The following METTL15 variants were observed in gnomAD, a reference collection of about 807,000 sequenced individuals.
METTL15 encodes methyltransferase 15, mitochondrial 12S rRNA N4-cytidine.
METTL15 carries 34 observed loss-of-function variants against 38.3 expected under a neutral mutation model. The ratio of observed to expected loss-of-function variants is 0.89; its 90% CI spans 0.68 to 1.18. The LOEUF (loss-of-function observed/expected upper bound fraction) is 1.18, where lower values mean the gene tolerates loss of function less well. Ranked by LOEUF, METTL15 falls within the 50% of genes most tolerant of loss-of-function variation. The pLI, the probability that METTL15 is intolerant of heterozygous loss-of-function variation, is 0.00. For missense variants in METTL15, 438 were observed against 498.4 expected (o/e 0.88, Z 1.15); for synonymous variants, 162 against 170.9 (o/e 0.95, Z 0.41).
At chr11:28,347,011 T>G (rs1850002299) in intron 3 of METTL15, among the ~76,000 whole-genome samples, 1 of 152,238 alleles carries the variant, frequency 6.6e-6, no homozygotes, top group African/African-American at 2.4e-5. Flanking sequence ...TCTATGACTC[T>G]TGTAACTAAG....
At chr11:28,183,026 A>G (rs1309533152) in intron 3 of METTL15, among the ~76,000 whole-genome samples, 1 of 152,044 alleles carries the variant, frequency 6.6e-6, no homozygotes, top group Non-Finnish European at 1.5e-5. Context: ...GCAATTGTGA[A>G]TGGGAGTTCA....
Position 28,251,449 on chromosome 11 carries a change from A to T in METTL15, c.408-38757A>T, listed in dbSNP as rs1003776372. 2.6e-5 allele frequency among the ~76,000 whole-genome samples: 4 copies of T among 152,080 alleles called. No individual in the cohort carries two copies. In the East Asian group the frequency reaches 5.8e-4, roughly 22 times the overall value. On this transcript the variant is annotated intron_variant, in intron 4 of 6. Transcript: ENST00000407364. Reference sequence around the variant, plus strand: ...CCAGAAATTGTTACAGGCTAATTTTATATTTGGCTAGGTCATCAATTTTCT... The same window carrying T: ...CCAGAAATTGTTACAGGCTAATTTTTTATTTGGCTAGGTCATCAATTTTCT...
intron 3 of METTL15, among the ~76,000 whole-genome samples, chr11:28,160,183 A>G (rs1850407950): frequency 1.3e-5 from 2 of 151,750 alleles, no homozygotes; most frequent in African/African-American, 4.8e-5. Context: ...CAGTTTTGGC[A>G]CTCGAACTGA....
intron 3 of METTL15, among the ~76,000 whole-genome samples, chr11:28,118,581 G>T (rs1382276956): frequency 6.6e-6 from 1 of 151,998 alleles, no homozygotes; most frequent in Non-Finnish European, 1.5e-5. Flanking sequence ...AAAAAGTTTG[G>T]TTATTTTCTA....
At chr11:28,162,582 A>G (rs1415346390) in intron 3 of METTL15, among the ~76,000 whole-genome samples, 1 of 152,196 alleles carries the variant, frequency 6.6e-6, no homozygotes, top group African/African-American at 2.4e-5. Context: ...TTATAAAATC[A>G]TCATAAGTTG....
At position 28,137,180 on chromosome 11, in the gene METTL15, G is replaced by A. The variant is rs76595407; in HGVS notation, c.270+23576G>A. Among the ~76,000 whole-genome samples the A allele has an allele frequency of 2.1e-4, 32 of 152,206 alleles. No homozygotes were observed. In the East Asian group the frequency reaches 4.6e-3, roughly 22 times the overall value. On this transcript the variant is annotated intron_variant, in intron 3 of 6. Coordinates refer to ENST00000407364, the MANE Select transcript of METTL15 (RefSeq NM_001113528.2). ...CCTTGTTGTACTTCTATTTCAATGC[G>A]CAATTTATGGAAAGACCGTATAATA...
At chr11:28,330,085 C>T (rs1849764910) in intron 6 of METTL15, among the ~76,000 whole-genome samples, 2 of 152,068 alleles carry the variant, frequency 1.3e-5, no homozygotes, top group Non-Finnish European at 2.9e-5. Flanking sequence ...TTTGAGTTAA[C>T]GTTTTTCACC....
At chr11:28,380,838 GTTT>G (rs34912131) in intron 5 of METTL15, among the ~76,000 whole-genome samples, 1 of 148,616 alleles carries the variant, frequency 6.7e-6, no homozygotes, top group Non-Finnish European at 1.5e-5. Flanking sequence ...TTAGATGAGA[GTTT>G]TTTTTTTTTC....
intron 5 of METTL15, among the ~76,000 whole-genome samples, chr11:28,416,417 A>G (rs947454209): frequency 2.0e-5 from 3 of 152,190 alleles, no homozygotes; most frequent in Non-Finnish European, 4.4e-5. Context: ...ATATGGGTCC[A>G]TGTTTCCTGG....
chr11:28,136,664 T>A (rs188349453), intron 3 of METTL15, among the ~76,000 whole-genome samples: 1 of 152,264 alleles, frequency 6.6e-6, no homozygotes, highest in East Asian at 1.9e-4. Context: ...TATGGAAGAT[T>A]AAACATCACT....
intron 6 of METTL15, among the ~76,000 whole-genome samples, chr11:28,496,328 C>T (rs1851535386): frequency 6.6e-6 from 1 of 152,162 alleles, no homozygotes; most frequent in Non-Finnish European, 1.5e-5. Context: ...ACCATGAGAA[C>T]AGTATGTGGG....
At chr11:28,266,995 A>G (rs1855447811) in intron 4 of METTL15, among the ~76,000 whole-genome samples, 1 of 151,904 alleles carries the variant, frequency 6.6e-6, no homozygotes, top group Non-Finnish European at 1.5e-5. Flanking sequence ...CCCCATCTCT[A>G]CTAAAAATAC....
intron 3 of METTL15, among the ~76,000 whole-genome samples, chr11:28,168,611 T>TG (rs1850741841): frequency 7.0e-6 from 1 of 142,488 alleles, no homozygotes; most frequent in Non-Finnish European, 1.5e-5. Flanking sequence ...ATGCTATCCC[T>TG]CCCCCTCCCC....
rs547952492 is a variant in METTL15, at chr11:28,443,716, A to C, written c.*424+19352A>C. ...TCTTTGACTCCACTCTTTCTTTCAT[A>C]ACATGTGACAAACCCATTAGGGAAT... On this transcript the variant is annotated intron_variant and NMD_transcript_variant, in intron 6 of 7. Coordinates refer to the METTL15 transcript ENST00000532947. 4.6e-5 allele frequency among the ~76,000 whole-genome samples: 7 copies of C among 152,298 alleles called. No homozygotes were observed. In the South Asian group the frequency reaches 1.5e-3, roughly 32 times the overall value.
At chr11:28,429,590 C>T (rs1282927928) in intron 6 of METTL15, among the ~76,000 whole-genome samples, 1 of 78,262 alleles carries the variant, frequency 1.3e-5, no homozygotes, top group Non-Finnish European at 2.6e-5. Context: ...AGCCCCTAAC[C>T]GCAAGTGATC....
At chr11:28,213,548 G>C (rs1181231995) in intron 4 of METTL15, among the ~76,000 whole-genome samples, 1 of 148,012 alleles carries the variant, frequency 6.8e-6, no homozygotes, top group South Asian at 2.1e-4. Context: ...AAATTTGAAT[G>C]TCATTACCGT....
chr11:28,341,878 A>C (rs1849956020), intron 3 of METTL15, among the ~76,000 whole-genome samples: 1 of 151,930 alleles, frequency 6.6e-6, no homozygotes, highest in Admixed American at 6.6e-5. Context: ...CCACACCATC[A>C]CCCCAAATTT....
chr11:28,441,477 T>G (rs931411732), intron 6 of METTL15, among the ~76,000 whole-genome samples: 1 of 152,230 alleles, frequency 6.6e-6, no homozygotes, highest in African/African-American at 2.4e-5. Context: ...AATTTTCAGT[T>G]GTACCTTCCT....
At chr11:28,378,854 GCTTTT>G in intron 5 of METTL15, among the ~76,000 whole-genome samples, 1 of 149,422 alleles carries the variant, frequency 6.7e-6, no homozygotes, top group South Asian at 2.1e-4. Flanking sequence ...CAGGTCCTGG[GCTTTT>G]CTTTAATAAG....
Sources: gnomAD v4.1 joint callset for allele counts (sites outside exome capture counted in the v4.1 genomes callset) on GRCh38, gnomAD v4.1.1 for gene constraint, MANE v1.5 for transcripts, NCBI Gene and HGNC (gene_info 2026-07-23, HGNC 2026-07-21) for gene names.